The following ACSL3 variants were observed in gnomAD, a reference collection of about 807,000 sequenced individuals.
The protein encoded by ACSL3 is fatty acid CoA ligase Acsl3.
Under a neutral mutation model 84.7 loss-of-function variants are expected in ACSL3, and 34 were observed. The ratio of observed to expected loss-of-function variants is 0.40; its 90% CI spans 0.31 to 0.53. The LOEUF is 0.53. Among genes scored for constraint, ACSL3 ranks in the 20% least tolerant of loss-of-function variants. The probability of loss-of-function intolerance (pLI) is 0.48; values close to 1 mark genes in which losing one functional copy is unlikely to be tolerated. For missense variants in ACSL3, 680 were observed against 873.1 expected (o/e 0.78, Z 2.79); for synonymous variants, 315 against 299.4 (o/e 1.05, Z -0.54).
chr2:222,868,233 A>G (rs1394414807), intron 1 of ACSL3, among the ~76,000 whole-genome samples: 1 of 152,108 alleles, frequency 6.6e-6, no homozygotes, highest in African/African-American at 2.4e-5. Context: ...GGGTAGGAAC[A>G]TGAGCTCAGA....
At chr2:222,870,248 G>T (rs1475869035) in intron 1 of ACSL3, among the ~76,000 whole-genome samples, 1 of 151,824 alleles carries the variant, frequency 6.6e-6, no homozygotes, top group Admixed American at 6.6e-5. Flanking sequence ...TATTTCTTAG[G>T]TGTCTTTGAC....
At chr2:222,913,654 A>T (rs1467034962) in intron 4 of ACSL3, among the ~76,000 whole-genome samples, 3 of 152,118 alleles carry the variant, frequency 2.0e-5, no homozygotes, top group African/African-American at 7.2e-5. Context: ...CACAATTGTT[A>T]ATCAGGCCAC....
intron 16 of ACSL3, among the ~76,000 whole-genome samples, chr2:222,934,972 C>G (rs1697134928): frequency 1.3e-5 from 2 of 152,152 alleles, no homozygotes; most frequent in Non-Finnish European, 2.9e-5. Flanking sequence ...AGGCCTTGCT[C>G]AGTTTTCTGG....
chr2:222,899,335 C>CGTG (rs71056595), intron 2 of ACSL3, among the ~76,000 whole-genome samples: 11,382 of 151,974 alleles, frequency 0.075, 600 homozygotes, highest in African/African-American at 0.14. Flanking sequence ...ATTAGCTGGG[C>CGTG]GTGGTGGCAG....
At chr2:222,875,210 A>G (rs1241015347) in intron 1 of ACSL3, among the ~76,000 whole-genome samples, 1 of 152,094 alleles carries the variant, frequency 6.6e-6, no homozygotes, top group Non-Finnish European at 1.5e-5. Flanking sequence ...AGCTCTCTGA[A>G]GATTAGCTCA....
At chr2:222,938,665 C>T (rs191127083) in intron 16 of ACSL3, among the ~76,000 whole-genome samples, 44 of 152,216 alleles carry the variant, frequency 2.9e-4, no homozygotes, top group African/African-American at 1.0e-3. Context: ...TTTATACTCC[C>T]ATTTCTCTTC....
At chr2:222,937,003 G>A (rs752122968) in intron 16 of ACSL3, among the ~76,000 whole-genome samples, 1 of 152,120 alleles carries the variant, frequency 6.6e-6, no homozygotes, top group Non-Finnish European at 1.5e-5. Context: ...TTGACATGTC[G>A]GGATTATGGG....
rs1264795443 is a variant in ACSL3 at position 222,944,196 on chromosome 2, T to C, written c.*2542T>C. 6.6e-6 allele frequency: 1 copy of C among 152,166 alleles called. No individual in the cohort carries two copies. Among genetic ancestry groups the C allele is most frequent in the Non-Finnish European group, 1.5e-5 (1 of 68,000 alleles). The allele number at this position is 152,166 out of a possible 1,614,324, so 9.4% of individuals were successfully genotyped here. A position where few individuals can be genotyped will look rare whatever the true frequency, so the allele number is the denominator to read the frequency against. On this transcript the variant is annotated 3_prime_UTR_variant, in exon 17 of 17. Coordinates refer to ENST00000357430, the MANE Select transcript of ACSL3 (RefSeq NM_004457.5). ...TCAGTAGTGGATTTGATATTTATAA[T>C]GTTCTCTAAAGCTTGCAACTTTTTC...
intron 2 of ACSL3, among the ~76,000 whole-genome samples, chr2:222,894,091 T>C (rs1291780503): frequency 6.6e-6 from 1 of 152,222 alleles, no homozygotes; most frequent in Non-Finnish European, 1.5e-5. Context: ...TATTATTTAA[T>C]AGCAATTTTT....
chr2:222,891,030 T>C (rs1474931383), intron 2 of ACSL3, among the ~76,000 whole-genome samples: 2 of 152,230 alleles, frequency 1.3e-5, no homozygotes, highest in Non-Finnish European at 2.9e-5. Flanking sequence ...CTCTCCTTAG[T>C]ACAGGTTCAT....
At chr2:222,876,663 A>G (rs1004494057) in intron 1 of ACSL3, among the ~76,000 whole-genome samples, 3 of 152,112 alleles carry the variant, frequency 2.0e-5, no homozygotes, top group African/African-American at 7.2e-5. Flanking sequence ...GCCTATTTAA[A>G]TTATAGAATA....
intron 1 of ACSL3, among the ~76,000 whole-genome samples, chr2:222,870,568 G>T (rs929575297): frequency 3.9e-5 from 6 of 152,238 alleles, no homozygotes; most frequent in South Asian, 2.1e-4. Flanking sequence ...GCTAGGGCCA[G>T]TGGAGGTTTG....
chr2:222,907,756 T>TA (rs34528925), intron 3 of ACSL3, among the ~76,000 whole-genome samples: 2,331 of 138,974 alleles, frequency 0.017, 31 homozygotes, highest in African/African-American at 0.056. Flanking sequence ...ATCCTGTCTT[T>TA]AAAAAAAAAA....
At chr2:222,939,134 T>A (rs1464516225) in intron 16 of ACSL3, among the ~76,000 whole-genome samples, 7 of 152,156 alleles carry the variant, frequency 4.6e-5, no homozygotes, top group Non-Finnish European at 1.0e-4. Context: ...TTTCTGGAGA[T>A]TTAATTTGAT....
intron 2 of ACSL3, among the ~76,000 whole-genome samples, chr2:222,899,430 G>A (rs986186789): frequency 2.6e-5 from 4 of 152,062 alleles, no homozygotes; most frequent in Non-Finnish European, 5.9e-5. Flanking sequence ...AGCCGAGATC[G>A]CATCACTGCT....
At chr2:222,866,995 C>T (rs945133435) in intron 1 of ACSL3, among the ~76,000 whole-genome samples, 32 of 151,730 alleles carry the variant, frequency 2.1e-4, no homozygotes, top group Admixed American at 5.3e-4. Flanking sequence ...CCACCACACT[C>T]GGCTAATTTT....
intron 2 of ACSL3, among the ~76,000 whole-genome samples, chr2:222,894,240 C>T (rs1574532822): frequency 6.6e-6 from 1 of 152,140 alleles, no homozygotes; most frequent in South Asian, 2.1e-4. Context: ...ACACAAAATC[C>T]TGTCTGGTCT....
intron 1 of ACSL3, among the ~76,000 whole-genome samples, chr2:222,880,983 TTC>T (rs536205105): frequency 4.1e-4 from 62 of 152,336 alleles, no homozygotes; most frequent in African/African-American, 1.4e-3. Context: ...ACAATAATGA[TTC>T]TGTCTTTTTC....
At chr2:222,914,009 T>C (rs944323451) in intron 4 of ACSL3, among the ~76,000 whole-genome samples, 1 of 152,216 alleles carries the variant, frequency 6.6e-6, no homozygotes, top group African/African-American at 2.4e-5. Context: ...ATTTTTACTC[T>C]GTGGCTCCCC....
Sources: allele counts gnomAD v4.1 joint callset (sites outside exome capture counted in the v4.1 genomes callset), GRCh38; gene constraint gnomAD v4.1.1; transcripts MANE v1.5; gene names NCBI Gene and HGNC (gene_info 2026-07-23, HGNC 2026-07-21).